The following COL24A1 variants were observed in gnomAD, a reference collection of about 807,000 sequenced individuals.
COL24A1 encodes collagen type XXIV alpha 1 chain.
In COL24A1, 224 loss-of-function variants were observed where a neutral mutation model predicts 253.9. That is an observed-to-expected ratio of 0.88 (90% CI 0.79 to 0.99). The LOEUF (loss-of-function observed/expected upper bound fraction) is 0.99, where lower values mean the gene tolerates loss of function less well. COL24A1 is among the 50% of genes least tolerant of loss of function. The pLI is 0.00. For missense variants in COL24A1, 2,131 were observed against 2,068.5 expected (o/e 1.03, Z -0.59); for synonymous variants, 685 against 673.7 (o/e 1.02, Z -0.26).
intron 24 of COL24A1, among the ~76,000 whole-genome samples, chr1:85,940,236 C>G (rs1688621156): frequency 2.2e-5 from 1 of 45,720 alleles, no homozygotes; most frequent in Non-Finnish European, 4.9e-5. Flanking sequence ...AACCCCGTCT[C>G]TACTAAAAAT....
intron 19 of COL24A1, among the ~76,000 whole-genome samples, chr1:85,998,240 T>C (rs1449538007): frequency 1.3e-5 from 2 of 152,198 alleles, no homozygotes; most frequent in African/African-American, 2.4e-5. Flanking sequence ...TTGCCCTCTG[T>C]TTCTACTTGA....
chr1:86,125,195 C>G lies in COL24A1; in HGVS notation c.1141G>C (p.Asp381His), dbSNP rs763869154. Residue 381 changes from aspartate (D) to histidine (H), a missense_variant, in exon 3 of 60, where the codon GAT (aspartate) becomes CAT (histidine). Asp to His is a moderately conservative substitution (Grantham distance 81, BLOSUM62 -1). Coordinates refer to ENST00000370571, the MANE Select transcript of COL24A1 (RefSeq NM_152890.7). ...AGTGACAGACCAGTTACTCTATCAT[C>G]ATGTTGTGTGATATTGTCAGACATG... ...LNMSDNITQH[D>H]DRVTGLSLFK... 6.2e-7 allele frequency: 1 copy of G among 1,613,460 alleles called. No homozygotes were observed. Among genetic ancestry groups the G allele is most frequent in the South Asian group, 1.1e-5 (1 of 91,064 alleles).
In COL24A1 at chr1:85,914,035, A is replaced by T. The variant is rs77854598; in HGVS notation, c.2563-2602T>A. Among the ~76,000 whole-genome samples the T allele has an allele frequency of 4.2e-3, 637 of 151,882 alleles. 6 individuals carry two copies. Among genetic ancestry groups the T allele is most frequent in the African/African-American group, 0.013 (536 of 41,398 alleles). On this transcript the variant is annotated intron_variant, in intron 24 of 59. Coordinates refer to ENST00000370571, the MANE Select transcript of COL24A1 (RefSeq NM_152890.7). Reference sequence around the variant, plus strand: ...GTTCATAGATGGCAGAGCCCTCATGACCTAATCATCTCCCAAGGTCTACAC... The same window carrying T: ...GTTCATAGATGGCAGAGCCCTCATGTCCTAATCATCTCCCAAGGTCTACAC...
At chr1:86,072,763 C>T (rs908777538) in intron 7 of COL24A1, among the ~76,000 whole-genome samples, 3 of 152,184 alleles carry the variant, frequency 2.0e-5, no homozygotes, top group Non-Finnish European at 4.4e-5. Context: ...GGGTGCCCCT[C>T]TGGGACAAAG....
intron 35 of COL24A1, among the ~76,000 whole-genome samples, chr1:85,873,013 A>C (rs1182827540): frequency 6.6e-6 from 1 of 152,210 alleles, no homozygotes; most frequent in African/African-American, 2.4e-5. Flanking sequence ...GCCCATCAAC[A>C]AGTGGGTGAA....
At chr1:86,004,861 C>T (rs776030514) in intron 19 of COL24A1, among the ~76,000 whole-genome samples, 4 of 152,156 alleles carry the variant, frequency 2.6e-5, no homozygotes, top group East Asian at 1.9e-4. Context: ...AGAGAAGTCA[C>T]CACACTGGCA....
chr1:85,945,014 T>TTTTTTTTTTTTG (rs1689157609), intron 24 of COL24A1, among the ~76,000 whole-genome samples: 5 of 84,136 alleles, frequency 5.9e-5, no homozygotes, highest in Admixed American at 1.5e-4. Context: ...TTTTTTTTTT[T>TTTTTTTTTTTTG]TTTTTTTTTT....
chr1:85,755,109 T>TA (rs1666095088), intron 55 of COL24A1, among the ~76,000 whole-genome samples: 1 of 151,958 alleles, frequency 6.6e-6, no homozygotes, highest in East Asian at 1.9e-4. Context: ...TAATTTCCCA[T>TA]AAAAAACCAT....
chr1:86,059,239 A>G, intron 8 of COL24A1, 65 bp from the exon 9 acceptor site: 1 of 1,169,596 alleles, frequency 8.5e-7, no homozygotes. Context: ...TATATTTACA[A>G]TACACAAGCT....
chr1:85,924,742 T>C (rs1451231832), intron 24 of COL24A1, among the ~76,000 whole-genome samples: 4 of 152,166 alleles, frequency 2.6e-5, no homozygotes, highest in African/African-American at 9.7e-5. Flanking sequence ...ACTGGAAGCA[T>C]TCCCTTTGAA....
At chr1:86,153,793 TA>T (rs1236637466) in intron 1 of COL24A1, among the ~76,000 whole-genome samples, 2 of 152,248 alleles carry the variant, frequency 1.3e-5, no homozygotes, top group African/African-American at 2.4e-5. Context: ...TTTTTGGTTA[TA>T]AAAGTCTTTA....
intron 28 of COL24A1, among the ~76,000 whole-genome samples, chr1:85,897,593 T>G (rs953576578): frequency 1.1e-4 from 16 of 152,102 alleles, no homozygotes; most frequent in African/African-American, 3.9e-4. Context: ...ATTTAAAACT[T>G]CTCAGTGTTC....
chr1:85,830,104 G>T (rs11161683), intron 43 of COL24A1, among the ~76,000 whole-genome samples: 3,125 of 152,114 alleles, frequency 0.021, 106 homozygotes, highest in African/African-American at 0.073. Flanking sequence ...GGTTTTCGGT[G>T]TGGATGTCCT....
intron 24 of COL24A1, among the ~76,000 whole-genome samples, chr1:85,936,976 A>G (rs1009400530): frequency 6.8e-6 from 1 of 147,404 alleles, no homozygotes; most frequent in Non-Finnish European, 1.5e-5. Context: ...TCATAAGGCC[A>G]ACCAGTTCCA....
chr1:85,934,483 G>A (rs139802785), intron 24 of COL24A1, among the ~76,000 whole-genome samples: 85 of 152,038 alleles, frequency 5.6e-4, no homozygotes, highest in African/African-American at 1.4e-3. Context: ...TAGTGTTGTT[G>A]GAATAATGTA....
intron 19 of COL24A1, among the ~76,000 whole-genome samples, chr1:85,991,666 A>T (rs1234772753): frequency 6.6e-6 from 1 of 152,182 alleles, no homozygotes; most frequent in Non-Finnish European, 1.5e-5. Flanking sequence ...CACTGAATAT[A>T]CGTGTGAATC....
In COL24A1 at chr1:86,112,583, C is replaced by G; in HGVS notation, c.1583G>C (p.Gly528Ala). ...PGPHGNPGLP[G>A]LPGPKGPKGD... ...GTCACTTACCTTTGGACCAGGTAAT[C>G]CAGGTAAACCAGGATTTCCATGTGG... Residue 528 changes from glycine (G) to alanine (A), a missense_variant, in exon 5 of 60, where the codon GGA (glycine) becomes GCA (alanine). Gly to Ala is a moderately conservative substitution (Grantham distance 60, BLOSUM62 0). Transcript: ENST00000370571. The G allele has an allele frequency of 6.2e-7, 1 of 1,613,082 alleles. No individual in the cohort carries two copies. The highest frequency in any genetic ancestry group is 8.5e-7 in the Non-Finnish European group (1 of 1,179,366).
chr1:85,896,253 A>G (rs575244802), intron 29 of COL24A1, 103 bp downstream of exon 29: 3 of 1,279,746 alleles, frequency 2.3e-6, no homozygotes, highest in Admixed American at 4.1e-5. Context: ...GAGAAAACTT[A>G]GAACCATACT....
At chr1:85,929,703 T>C (rs1165350169) in intron 24 of COL24A1, among the ~76,000 whole-genome samples, 2 of 111,206 alleles carry the variant, frequency 1.8e-5, no homozygotes, top group African/African-American at 7.2e-5. Context: ...CCTCAGCAAA[T>C]GTAAAAGAAC....
Sources: gnomAD v4.1 joint callset for allele counts (sites outside exome capture counted in the v4.1 genomes callset) on GRCh38, gnomAD v4.1.1 for gene constraint, MANE v1.5 for transcripts, NCBI Gene and HGNC (gene_info 2026-07-23, HGNC 2026-07-21) for gene names.